Variants in LRRC37A observed in about 807,000 individuals in gnomAD.
LRRC37A encodes the protein leucine-rich repeat-containing protein 37A.
A neutral mutation model predicts 35.4 loss-of-function variants in LRRC37A; 3 were observed. The observed-to-expected ratio is 0.08, with a 90% CI of 0.04 to 0.22. The LOEUF (loss-of-function observed/expected upper bound fraction) is 0.22, where lower values mean the gene tolerates loss of function less well. Ranked by LOEUF, LRRC37A falls within the 10% of genes least tolerant of loss-of-function variation. The pLI, the probability that LRRC37A is intolerant of heterozygous loss-of-function variation, is 1.00. For missense variants in LRRC37A, 67 were observed against 565.3 expected, an observed-to-expected ratio of 0.12 and a Z score of 8.94; for synonymous variants, 23 against 215.0, an observed-to-expected ratio of 0.11 and a Z score of 7.81.
At chr17:46,285,104 A>G in the LRRC37A span, among the ~76,000 whole-genome samples, 1 of 152,198 alleles carries the variant, frequency 6.6e-6, no homozygotes, top group Non-Finnish European at 1.5e-5. Flanking sequence ...AATTGACTCA[A>G]GTGATCCTCC....
chr17:46,289,009 A>G (rs1037995698), upstream of LRRC37A, among the ~76,000 whole-genome samples: 5 of 151,880 alleles, frequency 3.3e-5, no homozygotes, highest in Admixed American at 3.3e-4. Flanking sequence ...CCAACATACT[A>G]TTGTCTCAAT....
the LRRC37A span, chr17:46,267,291 A>C: frequency 2.4e-6 from 3 of 1,239,550 alleles, no homozygotes; most frequent in Non-Finnish European, 3.3e-6. Context: ...TGGGAGAGGA[A>C]CTGGGGTTCC....
chr17:46,256,057 G>T, the LRRC37A span, among the ~76,000 whole-genome samples: 21,527 of 151,526 alleles, frequency 0.14, 2,086 homozygotes, highest in Non-Finnish European at 0.22. Flanking sequence ...TAATTAGGCT[G>T]ACAGTGCCCC....
chr17:46,275,942 G>A, the LRRC37A span, among the ~76,000 whole-genome samples: 1 of 151,558 alleles, frequency 6.6e-6, no homozygotes, highest in South Asian at 2.1e-4. Context: ...CCAGGCTGTA[G>A]TGCAAAGGCG....
upstream of LRRC37A, among the ~76,000 whole-genome samples, chr17:46,291,917 C>A (rs1370587186): frequency 1.3e-5 from 2 of 149,444 alleles, no homozygotes; most frequent in South Asian, 2.1e-4. Flanking sequence ...GGTGTGATTG[C>A]ACCGCTGCAC....
the LRRC37A span, among the ~76,000 whole-genome samples, chr17:46,258,219 C>CTTTTTT: frequency 1.4e-5 from 2 of 147,136 alleles, no homozygotes; most frequent in Admixed American, 6.9e-5. Context: ...GAAAGAGATT[C>CTTTTTT]TTTTTTTTTT....
chr17:46,254,720 TA>T, the LRRC37A span, among the ~76,000 whole-genome samples: 1 of 150,908 alleles, frequency 6.6e-6, no homozygotes, highest in African/African-American at 2.4e-5. Context: ...TTTTTTTTTT[TA>T]GTAGAGGCGG....
At chr17:46,256,307 C>T in the LRRC37A span, among the ~76,000 whole-genome samples, 2 of 152,102 alleles carry the variant, frequency 1.3e-5, no homozygotes, top group Admixed American at 1.3e-4. Flanking sequence ...ATCGCTTGAA[C>T]CCAGGAGGTG....
the LRRC37A span, among the ~76,000 whole-genome samples, chr17:46,263,504 T>TTGTGC: frequency 7.8e-6 from 1 of 128,134 alleles, no homozygotes; most frequent in Admixed American, 9.8e-5. Flanking sequence ...TGAGCTGAGA[T>TTGTGC]CACACCACTG....
upstream of LRRC37A, among the ~76,000 whole-genome samples, chr17:46,291,801 C>A (rs1290367084): frequency 6.6e-6 from 1 of 151,652 alleles, no homozygotes; most frequent in African/African-American, 2.4e-5. Context: ...AAAAAACACC[C>A]CAAAATTAGC....
At chr17:46,287,648 A>T in the LRRC37A span, among the ~76,000 whole-genome samples, 1 of 152,296 alleles carries the variant, frequency 6.6e-6, no homozygotes, top group East Asian at 1.9e-4. Context: ...TTCAGTTAAT[A>T]TAATGTTTGT....
chr17:46,290,644 G>T (rs1409586005), upstream of LRRC37A, among the ~76,000 whole-genome samples: 1 of 152,044 alleles, frequency 6.6e-6, no homozygotes. Flanking sequence ...ACGGGGTTTC[G>T]CCCTGTTAGC....
At chr17:46,259,239 C>G in the LRRC37A span, among the ~76,000 whole-genome samples, 8 of 74,384 alleles carry the variant, frequency 1.1e-4, no homozygotes, top group Admixed American at 9.3e-4. Flanking sequence ...AAGATTCATG[C>G]TAAGCTGTGG....
At chr17:46,267,203 G>C in the LRRC37A span, 1 of 635,538 alleles carries the variant, frequency 1.6e-6, no homozygotes, top group Non-Finnish European at 2.6e-6. Flanking sequence ...GAGTCCCGGA[G>C]AATCCTGCAC....
the LRRC37A span, chr17:46,267,251 C>T: frequency 6.9e-6 from 6 of 869,600 alleles, no homozygotes; most frequent in Non-Finnish European, 8.6e-6. Flanking sequence ...CGGGCCGTTT[C>T]GCTGTTGCTA....
At chr17:46,277,183 C>G in the LRRC37A span, among the ~76,000 whole-genome samples, 21,699 of 151,700 alleles carry the variant, frequency 0.14, 1,949 homozygotes, top group Non-Finnish European at 0.22. Flanking sequence ...ATGTCAACTT[C>G]AGTATATTAA....
chr17:46,268,112 A>G, the LRRC37A span, among the ~76,000 whole-genome samples: 1 of 152,046 alleles, frequency 6.6e-6, no homozygotes, highest in Non-Finnish European at 1.5e-5. Flanking sequence ...ATCCTGATAC[A>G]ATGTGATAAG....
At chr17:46,299,973 T>C (rs878918189) in intron 2 of LRRC37A, 108 bp downstream of exon 2, 98 of 9,668 alleles carry the variant, frequency 0.01, no homozygotes, top group South Asian at 0.053. Context: ...TTCTCCTCCA[T>C]GCCCCAAATC....
the LRRC37A span, among the ~76,000 whole-genome samples, chr17:46,285,928 C>T: frequency 6.6e-6 from 1 of 152,272 alleles, no homozygotes; most frequent in Admixed American, 6.5e-5. Context: ...CTCTTCAACT[C>T]CTCATCATCC....
Sources: allele counts gnomAD v4.1 joint callset (sites outside exome capture counted in the v4.1 genomes callset), GRCh38; gene constraint gnomAD v4.1.1; transcripts MANE v1.5; gene names NCBI Gene and HGNC (gene_info 2026-07-23, HGNC 2026-07-21).